PHF14: variants seen among roughly 807,000 people sequenced by gnomAD.
PHF14 encodes the protein PHD finger protein 14.
Under a neutral mutation model 117.9 loss-of-function variants are expected in PHF14, and 55 were observed. The observed-to-expected ratio is 0.47, with a 90% CI of 0.38 to 0.58. The LOEUF (loss-of-function observed/expected upper bound fraction) is 0.58. Ranked by LOEUF, PHF14 falls within the 20% of genes least tolerant of loss-of-function variation. The pLI is 0.00. For missense variants in PHF14, 978 were observed against 1,122.2 expected (o/e 0.87, Z 1.84); for synonymous variants, 409 against 368.6 (o/e 1.11, Z -1.26).
At chr7:10,993,558 G>T (rs1282691488) in intron 4 of PHF14, among the ~76,000 whole-genome samples, 2 of 152,176 alleles carry the variant, frequency 1.3e-5, no homozygotes, top group African/African-American at 4.8e-5. Flanking sequence ...TGTTGACCTG[G>T]TGGAACTTAA....
intron 16 of PHF14, among the ~76,000 whole-genome samples, chr7:11,064,265 T>G (rs1276598519): frequency 6.6e-6 from 1 of 151,928 alleles, no homozygotes; most frequent in Non-Finnish European, 1.5e-5. Context: ...TTCCCTGGCA[T>G]CTCATATTTT....
At chr7:11,073,425 C>G (rs917186497) in intron 16 of PHF14, among the ~76,000 whole-genome samples, 2 of 152,230 alleles carry the variant, frequency 1.3e-5, no homozygotes, top group African/African-American at 4.8e-5. Context: ...CAATGTCCTT[C>G]GATGCCATAT....
At chr7:11,031,785 C>T (rs116623870) in intron 7 of PHF14, among the ~76,000 whole-genome samples, 1,978 of 151,930 alleles carry the variant, frequency 0.013, 42 homozygotes, top group African/African-American at 0.045. Flanking sequence ...AAAAAAATAC[C>T]GAGCTATTGT....
chr7:11,024,981 G>T (rs1376284351), intron 6 of PHF14, among the ~76,000 whole-genome samples: 1 of 152,256 alleles, frequency 6.6e-6, no homozygotes. Context: ...TTCTAGAAAG[G>T]GGTCACTTTT....
chr7:11,047,767 C>G (rs1268607430), intron 13 of PHF14, among the ~76,000 whole-genome samples: 2 of 133,572 alleles, frequency 1.5e-5, no homozygotes, highest in Admixed American at 1.7e-4. Context: ...ATCTGGGTGA[C>G]AGAGTGAGAC....
At chr7:11,152,665 A>C (rs930258030) in intron 17 of PHF14, among the ~76,000 whole-genome samples, 3 of 152,184 alleles carry the variant, frequency 2.0e-5, no homozygotes, top group Non-Finnish European at 4.4e-5. Flanking sequence ...GAAAAACAGA[A>C]AATCTGCTGT....
chr7:11,028,983 G>T (rs1784024903), intron 7 of PHF14, among the ~76,000 whole-genome samples, 165 bp downstream of exon 7: 1 of 152,026 alleles, frequency 6.6e-6, no homozygotes, highest in South Asian at 2.1e-4. Flanking sequence ...TATGAGTTTT[G>T]TCAGTTTTAA....
At chr7:11,016,629 T>C (rs533467828) in intron 5 of PHF14, among the ~76,000 whole-genome samples, 1 of 152,290 alleles carries the variant, frequency 6.6e-6, no homozygotes, top group African/African-American at 2.4e-5. Context: ...ATAGTAGATA[T>C]GTATATTCAT....
intron 17 of PHF14, among the ~76,000 whole-genome samples, chr7:11,141,214 A>T (rs1788388233): frequency 6.6e-6 from 1 of 152,146 alleles, no homozygotes; most frequent in Admixed American, 6.6e-5. Flanking sequence ...TTGAGATTGT[A>T]TAATTTAAAT....
chr7:11,018,486 A>G (rs1465595425), intron 5 of PHF14, among the ~76,000 whole-genome samples: 1 of 152,046 alleles, frequency 6.6e-6, no homozygotes, highest in Non-Finnish European at 1.5e-5. Flanking sequence ...ATTCCTAGGT[A>G]TTTAATCTTA....
At chr7:11,094,090 C>A (rs897697978) in intron 16 of PHF14, among the ~76,000 whole-genome samples, 3 of 151,952 alleles carry the variant, frequency 2.0e-5, no homozygotes, top group Non-Finnish European at 4.4e-5. Flanking sequence ...CTGTGGTGGC[C>A]GCTCCCCTTC....
chr7:11,056,129 A>ACT (rs1785010383), intron 14 of PHF14, among the ~76,000 whole-genome samples: 1 of 150,516 alleles, frequency 6.6e-6, no homozygotes, highest in Non-Finnish European at 1.5e-5. Flanking sequence ...GTGAACTAGA[A>ACT]CTCACTTTGG....
chr7:11,087,002 A>C (rs1404362174), intron 16 of PHF14, among the ~76,000 whole-genome samples: 1 of 152,162 alleles, frequency 6.6e-6, no homozygotes, highest in Non-Finnish European at 1.5e-5. Context: ...GGGTAATATC[A>C]AGTCAGTTAA....
chr7:11,156,499 G>A (rs1405472920), intron 17 of PHF14, among the ~76,000 whole-genome samples: 1 of 152,074 alleles, frequency 6.6e-6, no homozygotes, highest in Non-Finnish European at 1.5e-5. Flanking sequence ...TAAAGTTTTA[G>A]AAATTCACTT....
At chr7:11,138,503 A>G (rs17163995) in intron 17 of PHF14, among the ~76,000 whole-genome samples, 2,941 of 152,352 alleles carry the variant, frequency 0.019, 89 homozygotes, top group East Asian at 0.11. Flanking sequence ...CCTGCGCACA[A>G]TTACCATACT....
At chr7:11,057,126 A>T (rs1364566909) in intron 14 of PHF14, among the ~76,000 whole-genome samples, 2 of 152,138 alleles carry the variant, frequency 1.3e-5, no homozygotes, top group African/African-American at 2.4e-5. Flanking sequence ...AAATTTAGTG[A>T]CCTGGTCACA....
chr7:11,026,155 A>G (rs898291549), intron 6 of PHF14, among the ~76,000 whole-genome samples: 1 of 151,414 alleles, frequency 6.6e-6, no homozygotes, highest in Non-Finnish European at 1.5e-5. Flanking sequence ...AGCCACTCCA[A>G]CTTTCAGCAA....
intron 16 of PHF14, among the ~76,000 whole-genome samples, chr7:11,089,621 C>A (rs1786561333): frequency 1.3e-5 from 2 of 152,190 alleles, no homozygotes; most frequent in South Asian, 4.1e-4. Flanking sequence ...TGTCTATATT[C>A]TTCAAATACT....
At chr7:11,096,084 A>G (rs1387601508) in intron 16 of PHF14, among the ~76,000 whole-genome samples, 1 of 152,152 alleles carries the variant, frequency 6.6e-6, no homozygotes, top group East Asian at 1.9e-4. Context: ...TAAATAAGGA[A>G]TAAAGAGGTC....
Sources: gnomAD v4.1 joint callset for allele counts (sites outside exome capture counted in the v4.1 genomes callset) on GRCh38, gnomAD v4.1.1 for gene constraint, MANE v1.5 for transcripts, NCBI Gene and HGNC (gene_info 2026-07-23, HGNC 2026-07-21) for gene names.